SCN3A: variants seen among roughly 807,000 people sequenced by gnomAD.
SCN3A encodes sodium channel protein type 3 subunit alpha.
SCN3A carries 60 observed loss-of-function variants against 187.6 expected under a neutral mutation model. That is an observed-to-expected ratio of 0.32 (90% CI 0.26 to 0.40). The LOEUF is 0.40. Among genes scored for constraint, SCN3A ranks in the 10% least tolerant of loss-of-function variants. SCN3A has a pLI of 1.00. For missense variants in SCN3A, 1,601 were observed against 2,428.2 expected (o/e 0.66, Z 7.16); for synonymous variants, 788 against 829.2 (o/e 0.95, Z 0.85).
intron 12 of SCN3A, among the ~76,000 whole-genome samples, chr2:165,142,935 A>T (rs1419019111): frequency 6.6e-6 from 1 of 152,046 alleles, no homozygotes; most frequent in Non-Finnish European, 1.5e-5. Flanking sequence ...CATTTTTAAT[A>T]GAGACAGGGT....
rs1001626116 is a variant in SCN3A, at chr2:165,115,435, T to C, written c.3514+20A>G. 4 of 1,613,766 alleles carry C rather than the reference T, an allele frequency of 2.5e-6. No individual in the cohort carries two copies. Among genetic ancestry groups the C allele is most frequent in the Non-Finnish European group, 3.4e-6 (4 of 1,179,806 alleles). On this transcript the variant is annotated intron_variant, in intron 19 of 27. Coordinates refer to ENST00000283254, the MANE Select transcript of SCN3A (RefSeq NM_006922.4). ...AAGAACAAGGGGAGATTGTATTTAATCACATCAGAGCTTGTTTACCTTCAG... is the reference window on the plus strand; with the variant it reads ...AAGAACAAGGGGAGATTGTATTTAACCACATCAGAGCTTGTTTACCTTCAG...
At chr2:165,190,581 A>AAACTTTATATATATAT (rs1315361398) in intron 1 of SCN3A, among the ~76,000 whole-genome samples, 1 of 144,602 alleles carries the variant, frequency 6.9e-6, no homozygotes, top group Non-Finnish European at 1.5e-5. Flanking sequence ...TATTTATATA[A>AAACTTTATATATATAT]AACTTTATAT....
At chr2:165,159,861 C>T (rs1280688469) in intron 9 of SCN3A, among the ~76,000 whole-genome samples, 3 of 136,546 alleles carry the variant, frequency 2.2e-5, no homozygotes, top group Non-Finnish European at 4.5e-5. Context: ...AACTCATCAC[C>T]TGGCTCACTC....
chr2:165,129,348 A>G (rs1687178345), intron 17 of SCN3A, among the ~76,000 whole-genome samples: 1 of 152,246 alleles, frequency 6.6e-6, no homozygotes. Context: ...TTAAACTGTA[A>G]TAATTGGTTT....
intron 1 of SCN3A, among the ~76,000 whole-genome samples, chr2:165,199,389 C>A (rs905802949): frequency 7.2e-5 from 11 of 151,856 alleles, no homozygotes; most frequent in Non-Finnish European, 1.6e-4. Context: ...TGAACTAAAA[C>A]CCCTGAAAAT....
At chr2:165,202,103 AT>A in intron 1 of SCN3A, among the ~76,000 whole-genome samples, 1 of 152,180 alleles carries the variant, frequency 6.6e-6, no homozygotes, top group Middle Eastern at 3.4e-3. Context: ...TACAAATGAA[AT>A]CACCACTACA....
chr2:165,108,973 C>T (rs1265920164), intron 21 of SCN3A, among the ~76,000 whole-genome samples: 1 of 152,038 alleles, frequency 6.6e-6, no homozygotes, highest in East Asian at 1.9e-4. Context: ...TTTCTGTCAT[C>T]CACAACACCA....
chr2:165,139,843 T>C lies in SCN3A; in HGVS notation c.2020-235A>G, dbSNP rs552864647. The C allele has an allele frequency of 1.2e-4, 60 of 508,442 alleles. No homozygotes were observed. In the Middle Eastern group the frequency reaches 2.2e-3, roughly 18 times the overall value. The allele number at this position is 508,442 out of a possible 1,614,324, so 31.5% of individuals were successfully genotyped here. ...GGGATGCAGTTTTATAACACAATTA[T>C]ATTACAGAACTATTTTAATTAACCT... On this transcript the variant is annotated intron_variant, in intron 13 of 27. Coordinates refer to ENST00000283254, the MANE Select transcript of SCN3A (RefSeq NM_006922.4).
At chr2:165,160,931 G>A (rs553393063) in intron 9 of SCN3A, among the ~76,000 whole-genome samples, 64 of 151,952 alleles carry the variant, frequency 4.2e-4, no homozygotes, top group African/African-American at 1.4e-3. Context: ...GTGAGCCACC[G>A]CTCCCAGCCA....
At chr2:165,100,181 T>C in intron 22 of SCN3A, 121 bp downstream of exon 22, 8 of 1,212,694 alleles carry the variant, frequency 6.6e-6, no homozygotes, top group Non-Finnish European at 9.6e-6. Context: ...TATCTAAGAT[T>C]TTTGCTCTAA....
At chr2:165,160,856 G>T (rs1465478366) in intron 9 of SCN3A, among the ~76,000 whole-genome samples, 1 of 152,098 alleles carries the variant, frequency 6.6e-6, no homozygotes, top group Non-Finnish European at 1.5e-5. Flanking sequence ...GGCCAGGCTG[G>T]TCTAGATCTC....
chr2:165,095,577 C>T lies in SCN3A; in HGVS notation c.4365G>A (p.Gly1455=). 1 of 1,595,842 alleles carries T rather than the reference C, an allele frequency of 6.3e-7. No individual in the cohort carries two copies. The highest frequency in any genetic ancestry group is 8.6e-7 in the Non-Finnish European group (1 of 1,163,782). Residue 1455 remains glycine, a synonymous_variant, in exon 25 of 28, where the codon GGG becomes GGA. Transcript: ENST00000283254. ...TGAATAGATTCAGAGTGAAGAATGA[C>T]CCAAAGATGATAAAGATGACAAAGT... ...YLYFVIFIIF[G]SFFTLNLFIG... is the part of the protein sequence containing the mutation.
rs55989607 is a variant in SCN3A at position 165,202,219 on chromosome 2, C to T, written c.-248+1604G>A. Among the ~76,000 whole-genome samples, 766 of 152,124 alleles carry T rather than the reference C, an allele frequency of 5.0e-3. 3 individuals carry two copies. The highest frequency in any genetic ancestry group is 0.018 in the African/African-American group (734 of 41,534). ...AGAGCGCATTTTGTGAAGTGAAGAA[C>T]TCTGAGTGTATTTGCTTTTTCACAT... On this transcript the variant is annotated intron_variant, in intron 1 of 27. Transcript: ENST00000283254.
intron 11 of SCN3A, 62 bp from the exon 12 acceptor site, chr2:165,147,091 G>C: frequency 6.3e-7 from 1 of 1,588,530 alleles, no homozygotes; most frequent in South Asian, 1.1e-5. Context: ...GTTGAGTATG[G>C]TTAAAATATT....
intron 15 of SCN3A, among the ~76,000 whole-genome samples, chr2:165,134,095 T>G (rs942856275): frequency 1.2e-4 from 19 of 152,186 alleles, no homozygotes; most frequent in African/African-American, 3.9e-4. Flanking sequence ...GCTGCAGATT[T>G]AATTGAAACC....
At chr2:165,137,834 T>A in intron 15 of SCN3A, 45 bp downstream of exon 15, 2 of 1,415,700 alleles carry the variant, frequency 1.4e-6, no homozygotes, top group Non-Finnish European at 2.0e-6. Flanking sequence ...GGTCTATCTC[T>A]CCCACATCTA....
At chr2:165,103,501 C>T (rs1463831320) in intron 21 of SCN3A, among the ~76,000 whole-genome samples, 2 of 152,128 alleles carry the variant, frequency 1.3e-5, no homozygotes, top group African/African-American at 2.4e-5. Context: ...TACCCATTTC[C>T]AAAAACTAAA....
intron 21 of SCN3A, among the ~76,000 whole-genome samples, chr2:165,104,085 G>A (rs575927361): frequency 2.4e-4 from 36 of 151,958 alleles, no homozygotes; most frequent in Non-Finnish European, 3.5e-4. Flanking sequence ...TATTTTAGGC[G>A]GTTGATAAAT....
At chr2:165,120,121 C>T (rs1170912115) in intron 18 of SCN3A, among the ~76,000 whole-genome samples, 2 of 152,026 alleles carry the variant, frequency 1.3e-5, no homozygotes, top group Non-Finnish European at 2.9e-5. Context: ...ATTCTCCAGG[C>T]CTAATTCAGC....
Sources: allele counts gnomAD v4.1 joint callset (sites outside exome capture counted in the v4.1 genomes callset), GRCh38; gene constraint gnomAD v4.1.1; transcripts MANE v1.5; gene names NCBI Gene and HGNC (gene_info 2026-07-23, HGNC 2026-07-21).